KCNN1: variants seen among roughly 807,000 people sequenced by gnomAD.
KCNN1 encodes the protein small conductance calcium-activated potassium channel protein 1.
Under a neutral mutation model 44.7 loss-of-function variants are expected in KCNN1, and 20 were observed. The observed-to-expected ratio is 0.45, with a 90% CI of 0.32 to 0.65. KCNN1 has a LOEUF of 0.65. Among genes scored for constraint, KCNN1 ranks in the 30% least tolerant of loss-of-function variants. The probability of loss-of-function intolerance (pLI) is 0.05; values close to 1 mark genes in which losing one functional copy is unlikely to be tolerated. For synonymous variants in KCNN1, 324 were observed against 341.7 expected, an observed-to-expected ratio of 0.95 and a Z score of 0.57; for missense variants, 632 against 785.3, an observed-to-expected ratio of 0.80 and a Z score of 2.33.
At position 17,993,390 on chromosome 19, in the gene KCNN1, C is replaced by A; in HGVS notation, c.1308-100C>A. On this transcript the variant is annotated intron_variant, in intron 8 of 9. Coordinates refer to ENST00000684775, the MANE Select transcript of KCNN1 (RefSeq NM_001386974.1). The surrounding 1 kb of genome is among the most constrained non-coding windows in gnomAD (Gnocchi z 4.5). ...TCCCACCTCATCCTCTGATGCATGT[C>A]CCATAGGTGACCCCGGGTGGGTGCA... 1.2e-6 allele frequency: 1 copy of A among 844,308 alleles called. No homozygotes were observed. The highest frequency in any genetic ancestry group is 1.5e-5 in the South Asian group (1 of 67,694). The allele number at this position is 844,308 out of a possible 1,614,324, so 52.3% of individuals were successfully genotyped here.
intron 3 of KCNN1, among the ~76,000 whole-genome samples, chr19:17,976,093 A>G (rs909129587): frequency 2.6e-5 from 4 of 152,142 alleles, no homozygotes; most frequent in African/African-American, 7.2e-5. Context: ...AGGCGGGTGG[A>G]TCACTTGGGG....
intron 3 of KCNN1, among the ~76,000 whole-genome samples, chr19:17,976,618 A>C (rs887187987): frequency 1.3e-5 from 2 of 151,742 alleles, no homozygotes; most frequent in Non-Finnish European, 2.9e-5. Context: ...GGGTTTCTCC[A>C]TGTTGGTCAG....
rs367631624 is a variant in KCNN1, at chr19:17,989,890, C to T, written c.1298+47C>T. The T allele has an allele frequency of 5.5e-5, 88 of 1,610,374 alleles. No individual in the cohort carries two copies. The African/African-American group carries it at 6.3e-4, about 11-fold the overall frequency. Reference sequence around the variant, plus strand: ...CTCACGTTTCTGTGTCCACATGGCGCGGAGGCAGCCCTCGCAGCTCTGTGT... The same window carrying T: ...CTCACGTTTCTGTGTCCACATGGCGTGGAGGCAGCCCTCGCAGCTCTGTGT... On this transcript the variant is annotated intron_variant, in intron 7 of 9. Transcript: ENST00000684775.
At chr19:17,972,683 C>G (rs2032063017) in intron 1 of KCNN1, among the ~76,000 whole-genome samples, 1 of 152,158 alleles carries the variant, frequency 6.6e-6, no homozygotes, top group Admixed American at 6.6e-5. Context: ...GTCCCATAGG[C>G]CACAGTGCAG....
At chr19:17,988,372 C>T in intron 5 of KCNN1, 43 bp from the exon 6 acceptor site, 1 of 1,539,046 alleles carries the variant, frequency 6.5e-7, no homozygotes, top group Non-Finnish European at 8.9e-7. Flanking sequence ...AGGGAGTGAC[C>T]TCAAGACAGG....
At chr19:17,989,957 G>C in intron 7 of KCNN1, 114 bp downstream of exon 7, 1 of 1,472,938 alleles carries the variant, frequency 6.8e-7, no homozygotes. Flanking sequence ...TGGTCAGTTG[G>C]TTGGGGCCTG....
rs951049933 is a variant in KCNN1, at chr19:17,998,165, T to C, written c.1391T>C (p.Met464Thr). ...LTDLAKTQTV[M>T]YDLVSELHAQ... ...TGTCTCCCGCAGACCCAGACCGTCA[T>C]GTACGACCTTGTATCGGAGCTGCAC... Residue 464 changes from methionine (M) to threonine (T), a missense_variant, in exon 10 of 10, where the codon ATG (methionine) becomes ACG (threonine). Met to Thr is a moderately conservative substitution (Grantham distance 81). Around this residue, in one of 3 missense-constraint regions of KCNN1, gnomAD observed 237 missense variants for 253.0 expected, o/e 0.94. Transcript: ENST00000684775. The surrounding 1 kb of genome is among the most constrained non-coding windows in gnomAD (Gnocchi z 5.4). 5 of 1,598,368 alleles carry C rather than the reference T, an allele frequency of 3.1e-6. No homozygotes were observed. The highest frequency in any genetic ancestry group is 4.3e-6 in the Non-Finnish European group (5 of 1,173,278).
At chr19:17,985,681 A>G (rs986921535) in intron 5 of KCNN1, among the ~76,000 whole-genome samples, 1 of 152,146 alleles carries the variant, frequency 6.6e-6, no homozygotes, top group African/African-American at 2.4e-5. Context: ...CGGTCCTTCC[A>G]GGCCTAGATA....
chr19:17,957,435 C>T (rs1339169604), intron 2 of KCNN1, among the ~76,000 whole-genome samples: 1 of 151,982 alleles, frequency 6.6e-6, no homozygotes, highest in Admixed American at 6.6e-5. Context: ...GTATTAGTGA[C>T]CAGAGGAGCA....
upstream of KCNN1, among the ~76,000 whole-genome samples, chr19:17,965,401 G>T (rs140980197): frequency 6.6e-6 from 1 of 152,168 alleles, no homozygotes; most frequent in Non-Finnish European, 1.5e-5. Context: ...TGAGCTGTCA[G>T]GGGCCAGGAG....
intron 3 of KCNN1, among the ~76,000 whole-genome samples, chr19:17,976,421 CTT>C (rs139307020): frequency 4.1e-5 from 6 of 144,944 alleles, no homozygotes; most frequent in Non-Finnish European, 6.1e-5. Context: ...ATTATTCAAC[CTT>C]TTTTTTTTTT....
rs552224995 is a variant in KCNN1 at position 17,996,819 on chromosome 19, G to A, written c.1378-1333G>A. On this transcript the variant is annotated intron_variant, in intron 9 of 9. Coordinates refer to ENST00000684775, the MANE Select transcript of KCNN1 (RefSeq NM_001386974.1). ...TGGGGTCTGCCTTGCACTGATGGAG[G>A]GAAAAGGGTAGGGGGCACAGTGGAG... Among the ~76,000 whole-genome samples the A allele has an allele frequency of 5.9e-5, 9 of 152,264 alleles. No individual in the cohort carries two copies. The East Asian group carries it at 1.4e-3, about 23-fold the overall frequency.
chr19:17,963,176 C>CT (rs1450707848), upstream of KCNN1, among the ~76,000 whole-genome samples: 2 of 151,220 alleles, frequency 1.3e-5, no homozygotes, highest in Non-Finnish European at 2.9e-5. Flanking sequence ...CCACACCCGG[C>CT]TAAGTTTTTT....
At chr19:17,985,673 G>T (rs2032571578) in intron 5 of KCNN1, among the ~76,000 whole-genome samples, 1 of 152,156 alleles carries the variant, frequency 6.6e-6, no homozygotes. Context: ...TCTCCATGCG[G>T]TCCTTCCAGG....
At chr19:17,985,044 G>T (rs186341465) in intron 4 of KCNN1, among the ~76,000 whole-genome samples, 1 of 152,006 alleles carries the variant, frequency 6.6e-6, no homozygotes, top group African/African-American at 2.4e-5. Flanking sequence ...TGTGTCTGTC[G>T]TTGGGAGGGG....
intron 4 of KCNN1, chr19:17,982,524 A>G (rs1476186165): frequency 2.0e-6 from 2 of 984,250 alleles, no homozygotes; most frequent in East Asian, 2.3e-4. Context: ...TCCCACGTTT[A>G]ACCAGCTTTC....
At chr19:17,952,093 T>C (rs2031424796) in intron 1 of KCNN1, 1 of 152,118 alleles carries the variant, frequency 6.6e-6, no homozygotes, top group African/African-American at 2.4e-5. Flanking sequence ...CCATCCCTGC[T>C]TTAGAGGAGA....
chr19:17,996,692 G>C (rs2033004703), intron 9 of KCNN1, among the ~76,000 whole-genome samples: 1 of 152,236 alleles, frequency 6.6e-6, no homozygotes, highest in African/African-American at 2.4e-5. Flanking sequence ...CTGGCCTCCA[G>C]ATGTCACCCT....
intron 7 of KCNN1, among the ~76,000 whole-genome samples, chr19:17,991,656 C>T (rs548395648): frequency 7.6e-4 from 115 of 152,110 alleles, no homozygotes; most frequent in Non-Finnish European, 1.3e-3. Context: ...CCAGCCTGGG[C>T]GACAGAGTAA....
Sources: gnomAD v4.1 joint callset for allele counts (sites outside exome capture counted in the v4.1 genomes callset) on GRCh38, gnomAD v4.1.1 for gene constraint, gnomAD v4.1.1 regional missense constraint, Gnocchi (gnomAD v3.1) non-coding constraint, MANE v1.5 for transcripts, NCBI Gene and HGNC (gene_info 2026-07-23, HGNC 2026-07-21) for gene names.